Variants in CR2 observed in about 807,000 individuals in gnomAD.
CR2 encodes complement receptor type 2.
In CR2, 96 loss-of-function variants were observed where a neutral mutation model predicts 123.0. The observed-to-expected ratio is 0.78, with a 90% confidence interval of 0.66 to 0.93. The LOEUF (loss-of-function observed/expected upper bound fraction) is 0.93, where lower values mean the gene tolerates loss of function less well. Ranked by LOEUF, CR2 falls within the 40% of genes least tolerant of loss-of-function variation. The pLI, the probability that CR2 is intolerant of heterozygous loss-of-function variation, is 0.00. For missense variants in CR2, 1,258 were observed against 1,361.0 expected (o/e 0.92, Z 1.19); for synonymous variants, 484 against 469.5 (o/e 1.03, Z -0.40).
rs574961088 is a variant in CR2, at chr1:207,487,466, A to G, written c.*19-1676A>G. Among the ~76,000 whole-genome samples, 14 of 152,270 alleles carry G rather than the reference A, an allele frequency of 9.2e-5. No homozygotes were observed. In the South Asian group the frequency reaches 2.9e-3, roughly 32 times the overall value. ...AAAATTTGCTGCTGAACTTGACAAGACAGTTTTTGAAGAGAGGAAGGAGGC... is the reference window on the plus strand; with the variant it reads ...AAAATTTGCTGCTGAACTTGACAAGGCAGTTTTTGAAGAGAGGAAGGAGGC... On this transcript the variant is annotated intron_variant, in intron 19 of 19. Coordinates refer to ENST00000367057, the MANE Select transcript of CR2 (RefSeq NM_001006658.3).
chr1:207,478,071 G>T lies in CR2; in HGVS notation c.3088+1G>T. The stretch of plus-strand genomic sequence containing the variant: ...CCTCCCCTGGCGGTTTGCAGATCCC[G>T]TAAGTACCAAGGGCTTCACCGCCGC... On this transcript the variant is annotated splice_donor_variant, in intron 16 of 19. Transcript: ENST00000367057. LOFTEE classifies it high-confidence loss of function. 6.2e-7 allele frequency: 1 copy of T among 1,613,196 alleles called. No homozygotes were observed. Among genetic ancestry groups the T allele is most frequent in the Non-Finnish European group, 8.5e-7 (1 of 1,179,584 alleles).
At chr1:207,464,990 G>A (rs1658058029) in intron 1 of CR2, among the ~76,000 whole-genome samples, 1 of 152,134 alleles carries the variant, frequency 6.6e-6, no homozygotes, top group Non-Finnish European at 1.5e-5. Flanking sequence ...GAGTGCAATG[G>A]CGTGATCTTG....
At chr1:207,464,962 G>A (rs1299075024) in intron 1 of CR2, among the ~76,000 whole-genome samples, 2 of 151,976 alleles carry the variant, frequency 1.3e-5, no homozygotes, top group African/African-American at 2.4e-5. Context: ...ATGGAGTCTC[G>A]CTCAGTCGCC....
At position 207,473,819 on chromosome 1, in the gene CR2, G is replaced by C. The variant is rs763704442; in HGVS notation, c.2174G>C (p.Arg725Thr). 6.2e-7 allele frequency: 1 copy of C among 1,613,998 alleles called. No individual in the cohort carries two copies. The highest frequency in any genetic ancestry group is 1.3e-5 in the African/African-American group (1 of 75,034). Residue 725 changes from arginine to threonine, a missense_variant, in exon 12 of 20, where the codon AGA becomes ACA. Coordinates refer to ENST00000367057, the MANE Select transcript of CR2 (RefSeq NM_001006658.3). ...PRCEETCQHV[R>T]QSLQELPAGS... The stretch of plus-strand genomic sequence containing the variant: ...TCTCCAGAAACATGCCAGCATGTGA[G>C]ACAGAGTCTTCAAGAACTTCCAGCT...
Position 207,473,593 on chromosome 1 carries a change from A to G in CR2, c.2027A>G (p.Asn676Ser). The change falls in exon 11 of 20, where the codon AAT becomes AGT. Residue 676 changes from asparagine to serine, a missense_variant. By Grantham distance (46) the Asn-to-Ser change is conservative. Coordinates refer to ENST00000367057, the MANE Select transcript of CR2 (RefSeq NM_001006658.3). ...GLHHGRHTGGNTVFFVSGMTV... is the reference protein window; with the variant it reads ...GLHHGRHTGGSTVFFVSGMTV... Reference sequence around the variant, plus strand: ...CACCATGGTCGTCATACAGGTGGAAATACGGTCTTCTTTGTCTCTGGGATG... The same window carrying G: ...CACCATGGTCGTCATACAGGTGGAAGTACGGTCTTCTTTGTCTCTGGGATG... The G allele has an allele frequency of 1.9e-6, 3 of 1,613,978 alleles. No individual in the cohort carries two copies. The highest frequency in any genetic ancestry group is 3.3e-4 in the Middle Eastern group (2 of 6,056).
At chr1:207,473,467 G>A in intron 10 of CR2, 78 bp from the exon 11 acceptor site, 1 of 1,425,736 alleles carries the variant, frequency 7.0e-7, no homozygotes, top group African/African-American at 1.4e-5. Context: ...CAGACTGTCT[G>A]TCCAATGTTG....
chr1:207,471,162 T>C, intron 8 of CR2, 75 bp downstream of exon 8: 1 of 1,413,650 alleles, frequency 7.1e-7, no homozygotes, highest in Non-Finnish European at 1.0e-6. Context: ...TAAGAGTTTG[T>C]ATCAGTACAC....
rs150973349 is a variant in CR2 at position 207,459,460 on chromosome 1, T to C, written c.58+4984T>C. Among the ~76,000 whole-genome samples, 700 of 152,286 alleles carry C rather than the reference T, an allele frequency of 4.6e-3. 3 individuals are homozygous for C. Among genetic ancestry groups the C allele is most frequent in the African/African-American group, 0.012 (502 of 41,570 alleles). On this transcript the variant is annotated intron_variant, in intron 1 of 19. Coordinates refer to ENST00000367057, the MANE Select transcript of CR2 (RefSeq NM_001006658.3). ...ATGAATTATCAGTCTCAATAATGAT[T>C]TTCCCTCCTACCTGCTTTCTGACTA... is the stretch of plus-strand genomic sequence containing the variant.
Position 207,466,545 on chromosome 1 carries a change from T to C in CR2, c.78T>C (p.Pro26=). ...TTTCAGGGATTTCTTGTGGCTCTCC[T>C]CCGCCTATCCTAAATGGCCGGATTA... ...PGVLGISCGS[P]PPILNGRISY... The change falls in exon 2 of 20, where the codon CCT becomes CCC. Residue 26 remains proline (P), a synonymous_variant. Transcript: ENST00000367057. 6.2e-7 allele frequency: 1 copy of C among 1,614,068 alleles called. No individual in the cohort carries two copies. The highest frequency in any genetic ancestry group is 8.5e-7 in the Non-Finnish European group (1 of 1,179,972).
At position 207,462,921 on chromosome 1, in the gene CR2, A is replaced by C. The variant is rs574193997; in HGVS notation, c.59-3605A>C. Among the ~76,000 whole-genome samples, 3 of 152,364 alleles carry C rather than the reference A, an allele frequency of 2.0e-5. No individual in the cohort carries two copies. The South Asian group carries it at 6.2e-4, about 32-fold the overall frequency. On this transcript the variant is annotated intron_variant, in intron 1 of 19. Coordinates refer to ENST00000367057, the MANE Select transcript of CR2 (RefSeq NM_001006658.3). The stretch of plus-strand genomic sequence containing the variant: ...AATAAAGTTGGCATCCATGCACAGA[A>C]ATGCAGACTGTGTGCATTAAACAAG...
chr1:207,474,682 A>T, intron 13 of CR2, 142 bp from the exon 14 acceptor site: 1 of 908,392 alleles, frequency 1.1e-6, no homozygotes, highest in Non-Finnish European at 1.7e-6. Context: ...TTTTTAAAAA[A>T]AGCATAATCC....
intron 19 of CR2, among the ~76,000 whole-genome samples, chr1:207,487,310 A>G (rs1340287528): frequency 7.9e-5 from 12 of 152,258 alleles, no homozygotes; most frequent in Non-Finnish European, 1.6e-4. Context: ...TGTTTGAGAC[A>G]GGGTCTCACT....
chr1:207,474,265 T>A lies in CR2; in HGVS notation c.2265T>A (p.Tyr755Ter). 2.5e-6 allele frequency: 4 copies of A among 1,613,438 alleles called. No homozygotes were observed. The highest frequency in any genetic ancestry group is 3.4e-6 in the Non-Finnish European group (4 of 1,179,460). Reference sequence around the variant, plus strand: ...GGTACCAGTTGACTGGACATGCTTATCAGATGTGTCAAGATGCTGAAAATG... The same window carrying A: ...GGTACCAGTTGACTGGACATGCTTAACAGATGTGTCAAGATGCTGAAAATG... ...QDGYQLTGHA[Y>*]QMCQDAENGI... The change falls in exon 13 of 20, where the codon TAT (tyrosine) becomes TAA (stop). Residue 755 changes from tyrosine (Y) to a stop codon, truncating the protein, a stop_gained. Coordinates refer to ENST00000367057, the MANE Select transcript of CR2 (RefSeq NM_001006658.3). LOFTEE classifies it high-confidence loss of function.
chr1:207,457,276 A>G (rs1223679317), intron 1 of CR2, among the ~76,000 whole-genome samples: 1 of 152,250 alleles, frequency 6.6e-6, no homozygotes, highest in Non-Finnish European at 1.5e-5. Context: ...TGAAAGAAGT[A>G]TCCATTCTGC....
chr1:207,474,691 C>T, intron 13 of CR2, 133 bp from the exon 14 acceptor site: 1 of 982,724 alleles, frequency 1.0e-6, no homozygotes, highest in Non-Finnish European at 1.6e-6. Flanking sequence ...AAAGCATAAT[C>T]CATATTCCAA....
intron 1 of CR2, among the ~76,000 whole-genome samples, chr1:207,461,379 T>G (rs1454427387): frequency 6.6e-6 from 1 of 152,194 alleles, no homozygotes; most frequent in Non-Finnish European, 1.5e-5. Context: ...AAAATTACTT[T>G]CTCCATCTCT....
At chr1:207,480,761 T>C (rs1344086462) in intron 18 of CR2, among the ~76,000 whole-genome samples, 1 of 152,176 alleles carries the variant, frequency 6.6e-6, no homozygotes, top group Non-Finnish European at 1.5e-5. Flanking sequence ...CCTGCTTCAT[T>C]GATTTGCCTG....
Position 207,468,614 on chromosome 1 carries a change from C to T in CR2, c.533C>T (p.Ser178Phe). The change falls in exon 3 of 20, where the codon TCT becomes TTT. Residue 178 changes from serine (S) to phenylalanine (F), a missense_variant. Coordinates refer to ENST00000367057, the MANE Select transcript of CR2 (RefSeq NM_001006658.3). The stretch of plus-strand genomic sequence containing the variant: ...GTTGGCTCCATTGCTCCAGGATTGT[C>T]TGTGACTTACAGCTGTGAATCTGGT... The part of the protein sequence containing the change: ...ENVGSIAPGL[S>F]VTYSCESGYL... 6.2e-7 allele frequency: 1 copy of T among 1,614,034 alleles called. No individual in the cohort carries two copies. The highest frequency in any genetic ancestry group is 8.5e-7 in the Non-Finnish European group (1 of 1,179,966).
intron 1 of CR2, among the ~76,000 whole-genome samples, chr1:207,466,139 G>A (rs1460721782): frequency 6.6e-6 from 1 of 152,132 alleles, no homozygotes; most frequent in African/African-American, 2.4e-5. Flanking sequence ...ATGACCGTGG[G>A]GAGTTGAAAC....
Sources: allele counts gnomAD v4.1 joint callset (sites outside exome capture counted in the v4.1 genomes callset), GRCh38; gene constraint gnomAD v4.1.1; transcripts MANE v1.5; gene names NCBI Gene and HGNC (gene_info 2026-07-23, HGNC 2026-07-21).